CDH13: variants seen among roughly 807,000 people sequenced by gnomAD.
The protein encoded by CDH13 is cadherin 13.
CDH13 carries 24 observed loss-of-function variants against 63.8 expected under a neutral mutation model. The observed-to-expected ratio is 0.38, with a 90% CI of 0.27 to 0.53. The LOEUF (loss-of-function observed/expected upper bound fraction) is 0.53, where lower values mean the gene tolerates loss of function less well. Among genes scored for constraint, CDH13 ranks in the 20% least tolerant of loss-of-function variants. The pLI, the probability that CDH13 is intolerant of heterozygous loss-of-function variation, is 0.85. For missense variants in CDH13, 1,049 were observed against 903.1 expected (o/e 1.16, Z -2.07); for synonymous variants, 503 against 355.3 (o/e 1.42, Z -4.67).
intron 1 of CDH13, among the ~76,000 whole-genome samples, chr16:82,700,066 A>G (rs1340080744): frequency 7.4e-6 from 1 of 135,674 alleles, no homozygotes; most frequent in Non-Finnish European, 1.5e-5. Flanking sequence ...GGGTGACACA[A>G]AGTATATTTT....
In CDH13 at chr16:83,499,810, C is replaced by CTT. The variant is rs5818449; in HGVS notation, c.960+13163_960+13164dup. Among the ~76,000 whole-genome samples the CTT allele has an allele frequency of 3.6e-3, 541 of 151,350 alleles. 6 individuals carry two copies. Among genetic ancestry groups the CTT allele is most frequent in the African/African-American group, 9.9e-3 (411 of 41,314 alleles). On this transcript the variant is annotated intron_variant, in intron 7 of 13. Transcript: ENST00000567109. ...AATTTAGAAAACCAATTCTGTTAAT[C>CTT]TTTTTTTTTGAGACGAAGTCTCGCT...
At chr16:83,114,305 G>C (rs892584129) in intron 3 of CDH13, among the ~76,000 whole-genome samples, 1 of 152,012 alleles carries the variant, frequency 6.6e-6, no homozygotes. Flanking sequence ...TGTTGCTGGC[G>C]GTCCCTACTG....
intron 8 of CDH13, among the ~76,000 whole-genome samples, chr16:83,605,357 G>A (rs937169764): frequency 5.9e-5 from 9 of 152,180 alleles, no homozygotes; most frequent in African/African-American, 1.9e-4. Context: ...GTTCCTGAAA[G>A]GCTGATGTTC....
chr16:82,782,438 G>C (rs1232312540), intron 1 of CDH13, among the ~76,000 whole-genome samples: 1 of 152,028 alleles, frequency 6.6e-6, no homozygotes, highest in Non-Finnish European at 1.5e-5. Flanking sequence ...TGTAATCCTA[G>C]CTACTGGGGA....
chr16:83,023,394 A>G (rs1363084120), intron 2 of CDH13, among the ~76,000 whole-genome samples: 1 of 152,128 alleles, frequency 6.6e-6, no homozygotes, highest in Non-Finnish European at 1.5e-5. Flanking sequence ...CATGTACAGT[A>G]TCTTATATGT....
intron 2 of CDH13, among the ~76,000 whole-genome samples, chr16:83,002,488 C>T (rs1913043425): frequency 6.6e-6 from 1 of 152,138 alleles, no homozygotes; most frequent in Non-Finnish European, 1.5e-5. Flanking sequence ...TTGTTTTAAG[C>T]CACAAAGCTT....
intron 4 of CDH13, among the ~76,000 whole-genome samples, chr16:83,204,822 C>T (rs142489924): frequency 1.7e-3 from 266 of 152,278 alleles, no homozygotes; most frequent in Admixed American, 2.4e-3. Context: ...GGACCCAGGT[C>T]CATGAAGTCA....
chr16:83,494,676 C>T (rs2074095150), intron 7 of CDH13, among the ~76,000 whole-genome samples: 2 of 152,184 alleles, frequency 1.3e-5, no homozygotes, highest in Non-Finnish European at 2.9e-5. Context: ...CACTGGAAAG[C>T]AGTTTGCAGA....
intron 1 of CDH13, among the ~76,000 whole-genome samples, chr16:82,851,676 CGTGTGTGTGT>C (rs3046491): frequency 6.7e-5 from 10 of 149,636 alleles, no homozygotes; most frequent in Admixed American, 6.6e-5. Flanking sequence ...CATGTGTGTA[CGTGTGTGTGT>C]GTGTGTGTGT....
chr16:83,562,251 G>T (rs940395024), intron 7 of CDH13, among the ~76,000 whole-genome samples: 1 of 152,154 alleles, frequency 6.6e-6, no homozygotes, highest in Non-Finnish European at 1.5e-5. Flanking sequence ...ATTCTTGATT[G>T]TGTTAGTGCA....
At chr16:83,661,164 T>C (rs560185252) in intron 8 of CDH13, among the ~76,000 whole-genome samples, 17 of 152,284 alleles carry the variant, frequency 1.1e-4, no homozygotes, top group South Asian at 4.1e-4. Context: ...AGGAAAATGT[T>C]TGATGCCTTG....
chr16:82,628,223 G>A (rs1403581280), intron 1 of CDH13, among the ~76,000 whole-genome samples: 1 of 152,210 alleles, frequency 6.6e-6, no homozygotes, highest in African/African-American at 2.4e-5. Flanking sequence ...GACTTGGAGT[G>A]AGCTGGCAGC....
intron 5 of CDH13, among the ~76,000 whole-genome samples, chr16:83,271,266 A>C (rs2088798519): frequency 6.6e-6 from 1 of 151,530 alleles, no homozygotes; most frequent in Non-Finnish European, 1.5e-5. Flanking sequence ...AAACTTGCTC[A>C]TCTTCTTGTA....
intron 6 of CDH13, among the ~76,000 whole-genome samples, chr16:83,387,018 A>C (rs1029574547): frequency 1.3e-5 from 2 of 152,190 alleles, no homozygotes; most frequent in Non-Finnish European, 2.9e-5. Flanking sequence ...ATTGTGTTAT[A>C]TGCCCATCCT....
At chr16:83,653,359 C>G (rs1912569619) in intron 8 of CDH13, among the ~76,000 whole-genome samples, 1 of 151,996 alleles carries the variant, frequency 6.6e-6, no homozygotes, top group Non-Finnish European at 1.5e-5. Context: ...AGCACCATGT[C>G]TAAAGACTAT....
chr16:83,293,021 CAGAT>C (rs1278308951), intron 5 of CDH13, among the ~76,000 whole-genome samples: 6 of 152,082 alleles, frequency 3.9e-5, no homozygotes, highest in African/African-American at 1.2e-4. Flanking sequence ...AGTTACTAAA[CAGAT>C]AGTTGAGTCA....
chr16:83,524,032 G>T (rs1459229119), intron 7 of CDH13, among the ~76,000 whole-genome samples: 3 of 152,116 alleles, frequency 2.0e-5, no homozygotes, highest in Admixed American at 2.0e-4. Context: ...CACTTACCCT[G>T]CAGTCCACCC....
chr16:82,999,199 C>T (rs1408007817), intron 2 of CDH13, among the ~76,000 whole-genome samples: 1 of 152,104 alleles, frequency 6.6e-6, no homozygotes, highest in Non-Finnish European at 1.5e-5. Flanking sequence ...TTTTCTCTTT[C>T]AACTTCCTTA....
chr16:83,129,137 A>T (rs2035939910), intron 4 of CDH13, among the ~76,000 whole-genome samples: 1 of 152,164 alleles, frequency 6.6e-6, no homozygotes, highest in Admixed American at 6.5e-5. Context: ...GAGCTGTGGA[A>T]GAGGACGTAG....
Sources: gnomAD v4.1 joint callset for allele counts (sites outside exome capture counted in the v4.1 genomes callset) on GRCh38, gnomAD v4.1.1 for gene constraint, MANE v1.5 for transcripts, NCBI Gene and HGNC (gene_info 2026-07-23, HGNC 2026-07-21) for gene names.